Variants in TMEM131L observed in about 807,000 individuals in gnomAD.
TMEM131L encodes the protein transmembrane 131 like, also known as transmembrane protein 131-like.
A neutral mutation model predicts 192.2 loss-of-function variants in TMEM131L; 54 were observed. The ratio of observed to expected loss-of-function variants is 0.28; its 90% CI spans 0.23 to 0.35. TMEM131L has a LOEUF of 0.35. Among genes scored for constraint, TMEM131L ranks in the 10% least tolerant of loss-of-function variants. The pLI, the probability that TMEM131L is intolerant of heterozygous loss-of-function variation, is 1.00. For missense variants in TMEM131L, 1,888 were observed against 1,972.9 expected (o/e 0.96, Z 0.82); for synonymous variants, 701 against 704.9 (o/e 0.99, Z 0.09).
intron 31 of TMEM131L, among the ~76,000 whole-genome samples, chr4:153,631,464 A>C (rs1270633847): frequency 6.6e-6 from 1 of 151,004 alleles, no homozygotes; most frequent in Non-Finnish European, 1.5e-5. Flanking sequence ...TGACTCAGAC[A>C]GCCCTAGATG....
At chr4:153,514,326 A>G (rs1196153329) in intron 3 of TMEM131L, among the ~76,000 whole-genome samples, 1 of 152,208 alleles carries the variant, frequency 6.6e-6, no homozygotes, top group Non-Finnish European at 1.5e-5. Context: ...ATTATTGCCC[A>G]TGTTTCTCTT....
intron 4 of TMEM131L, among the ~76,000 whole-genome samples, chr4:153,553,989 C>T (rs1302019513): frequency 6.6e-6 from 1 of 152,172 alleles, no homozygotes; most frequent in Non-Finnish European, 1.5e-5. Flanking sequence ...TCTGGTGGTG[C>T]AGTCACTGGC....
At chr4:153,572,451 C>A (rs1290596079) in intron 7 of TMEM131L, among the ~76,000 whole-genome samples, 1 of 152,152 alleles carries the variant, frequency 6.6e-6, no homozygotes, top group African/African-American at 2.4e-5. Flanking sequence ...TTGCCTCAGC[C>A]TCCCAAGTAG....
chr4:153,603,380 A>G lies in TMEM131L; in HGVS notation c.2717A>G (p.Gln906Arg), dbSNP rs1461728533. ...YILMEFMKTR[Q>R]RQNASSSSQQ... ...CTCATGGAATTCATGAAAACAAGAC[A>G]GAGGCAAAATGCTAGCTCCTCTTCA... is the stretch of plus-strand genomic sequence containing the variant. Residue 906 changes from glutamine (Q) to arginine (R), a missense_variant, in exon 24 of 35, where the codon CAG becomes CGG. Physicochemically the swap from Gln to Arg is conservative, Grantham distance 43. Coordinates refer to ENST00000409959, the MANE Select transcript of TMEM131L (RefSeq NM_001131007.2). 1.2e-6 allele frequency: 2 copies of G among 1,614,080 alleles called. No individual in the cohort carries two copies. The highest frequency in any genetic ancestry group is 4.5e-5 in the East Asian group (2 of 44,870).
At chr4:153,634,152 A>T (rs1306438407) in intron 32 of TMEM131L, 40 bp from the exon 33 acceptor site, 5 of 1,514,626 alleles carry the variant, frequency 3.3e-6, no homozygotes, top group South Asian at 1.1e-5. Flanking sequence ...TGATGTCTTG[A>T]CATCCTGTTT....
Position 153,602,070 on chromosome 4 carries a change from C to A in TMEM131L, c.2267-82C>A, listed in dbSNP as rs538910388. 9.4e-5 allele frequency: 80 copies of A among 854,792 alleles called. 1 individual carries two copies. The South Asian group carries it at 1.4e-3, about 15-fold the overall frequency. The allele number at this position is 854,792 out of a possible 1,614,324, so 53.0% of individuals were successfully genotyped here. A position where few individuals can be genotyped will look rare whatever the true frequency, so the allele number is the denominator to read the frequency against. ...AATGTAGATCATGGTTTGGTTTATT[C>A]AATAAATATCGATCCAATAAATTAT... On this transcript the variant is annotated intron_variant, in intron 21 of 34. Transcript: ENST00000409959.
At chr4:153,616,358 T>C (rs1191259406) in intron 26 of TMEM131L, among the ~76,000 whole-genome samples, 1 of 152,268 alleles carries the variant, frequency 6.6e-6, no homozygotes, top group Non-Finnish European at 1.5e-5. Context: ...CATTTCATTG[T>C]TCATTTGGCG....
intron 25 of TMEM131L, among the ~76,000 whole-genome samples, chr4:153,609,346 C>T (rs966464200): frequency 6.6e-6 from 1 of 152,172 alleles, no homozygotes; most frequent in Non-Finnish European, 1.5e-5. Context: ...AGAACTCTCT[C>T]ACTATCATGA....
intron 3 of TMEM131L, among the ~76,000 whole-genome samples, chr4:153,475,464 C>T (rs146878100): frequency 6.2e-4 from 95 of 152,300 alleles, no homozygotes; most frequent in African/African-American, 2.2e-3. Flanking sequence ...AAACCTGTCT[C>T]ATTCTAGTAG....
At chr4:153,561,092 G>A (rs988170388) in intron 7 of TMEM131L, among the ~76,000 whole-genome samples, 2 of 152,186 alleles carry the variant, frequency 1.3e-5, no homozygotes, top group African/African-American at 2.4e-5. Flanking sequence ...TGAGCATGAA[G>A]TGGTATCTCA....
intron 3 of TMEM131L, among the ~76,000 whole-genome samples, chr4:153,506,444 GT>G (rs1733987943): frequency 6.6e-6 from 1 of 152,178 alleles, no homozygotes; most frequent in African/African-American, 2.4e-5. Context: ...TAGAGAAACA[GT>G]TTACACAGTG....
At chr4:153,582,433 G>GTTTTTTTTT (rs1038256479) in intron 9 of TMEM131L, among the ~76,000 whole-genome samples, 12 of 40,324 alleles carry the variant, frequency 3.0e-4, no homozygotes, top group Non-Finnish European at 3.8e-4. Flanking sequence ...TTTTTTTGTT[G>GTTTTTTTTT]TTTTTTTTTT....
chr4:153,481,501 G>A (rs1156951617), intron 3 of TMEM131L, among the ~76,000 whole-genome samples: 1 of 152,154 alleles, frequency 6.6e-6, no homozygotes, highest in East Asian at 1.9e-4. Flanking sequence ...TGAAATAACA[G>A]GACTAGTATT....
intron 3 of TMEM131L, among the ~76,000 whole-genome samples, chr4:153,520,426 A>G (rs1250493389): frequency 6.6e-6 from 1 of 152,200 alleles, no homozygotes; most frequent in Non-Finnish European, 1.5e-5. Context: ...ACATGATCAC[A>G]CCATTGCTCT....
At chr4:153,578,682 A>G (rs1730130857) in intron 7 of TMEM131L, among the ~76,000 whole-genome samples, 1 of 151,880 alleles carries the variant, frequency 6.6e-6, no homozygotes, top group South Asian at 2.1e-4. Context: ...CACCACACCC[A>G]GCTAATTTTT....
intron 3 of TMEM131L, among the ~76,000 whole-genome samples, chr4:153,547,529 C>G (rs1182708549): frequency 6.6e-6 from 1 of 152,216 alleles, no homozygotes; most frequent in African/African-American, 2.4e-5. Flanking sequence ...GCCTTTGCTT[C>G]ATATCTGGCA....
At chr4:153,566,729 T>C (rs1217906461) in intron 7 of TMEM131L, among the ~76,000 whole-genome samples, 2 of 152,186 alleles carry the variant, frequency 1.3e-5, no homozygotes, top group African/African-American at 2.4e-5. Context: ...CAATTAATAG[T>C]TGGTTGTCTC....
intron 7 of TMEM131L, among the ~76,000 whole-genome samples, chr4:153,577,471 G>A (rs139249413): frequency 1.3e-4 from 20 of 152,254 alleles, no homozygotes; most frequent in African/African-American, 4.6e-4. Flanking sequence ...TTTTGACTTT[G>A]TAGGCTGTAC....
chr4:153,517,076 C>T (rs143242652), intron 3 of TMEM131L, among the ~76,000 whole-genome samples: 2,055 of 152,280 alleles, frequency 0.013, 49 homozygotes, highest in African/African-American at 0.046. Context: ...CCACCCACCT[C>T]GGCCTCCCGG....
Sources: gnomAD v4.1 joint callset for allele counts (sites outside exome capture counted in the v4.1 genomes callset) on GRCh38, gnomAD v4.1.1 for gene constraint, MANE v1.5 for transcripts, NCBI Gene and HGNC (gene_info 2026-07-23, HGNC 2026-07-21) for gene names.